Variants in CTNNA3 observed in about 807,000 individuals in gnomAD.
The protein encoded by CTNNA3 is catenin alpha-3.
In CTNNA3, 76 loss-of-function variants were observed where a neutral mutation model predicts 95.7. The ratio of observed to expected loss-of-function variants is 0.79; its 90% confidence interval spans 0.66 to 0.96. The LOEUF (loss-of-function observed/expected upper bound fraction) is 0.96, where lower values mean the gene tolerates loss of function less well. Ranked by LOEUF, CTNNA3 falls within the 40% of genes least tolerant of loss-of-function variation. The probability of loss-of-function intolerance (pLI) is 0.00; values close to 1 mark genes in which losing one functional copy is unlikely to be tolerated. For synonymous variants in CTNNA3, 431 were observed against 374.4 expected (o/e 1.15, Z -1.74); for missense variants, 1,191 against 1,089.8 (o/e 1.09, Z -1.31).
At chr10:67,735,130 CACACACACACACACAA>C (rs919843024) in intron 1 of CTNNA3, among the ~76,000 whole-genome samples, 43 of 115,200 alleles carry the variant, frequency 3.7e-4, no homozygotes, top group African/African-American at 1.9e-3. Context: ...CAAGTGAGCA[CACACACACACACACAA>C]ACACACACAC....
chr10:66,078,850 A>G (rs1025805579), intron 14 of CTNNA3: 1 of 151,898 alleles, frequency 6.6e-6, no homozygotes, highest in African/African-American at 2.4e-5. Context: ...AAATCAAACA[A>G]TGCTCTCTAA....
At chr10:66,239,186 AATTG>A (rs1286125183) in intron 13 of CTNNA3, among the ~76,000 whole-genome samples, 17 of 150,898 alleles carry the variant, frequency 1.1e-4, no homozygotes, top group East Asian at 7.7e-4. Flanking sequence ...TTTTATAATT[AATTG>A]ATTAAGTACA....
intron 12 of CTNNA3, among the ~76,000 whole-genome samples, chr10:66,346,760 G>A (rs772960068): frequency 2.0e-5 from 3 of 152,020 alleles, no homozygotes; most frequent in East Asian, 1.9e-4. Flanking sequence ...TACATGAAAC[G>A]TTATTTTTAT....
chr10:67,127,878 CTG>C (rs34919848), intron 7 of CTNNA3, among the ~76,000 whole-genome samples: 1 of 151,118 alleles, frequency 6.6e-6, no homozygotes, highest in Non-Finnish European at 1.5e-5. Context: ...GTGTGTGTGT[CTG>C]TGTGTGTGTG....
chr10:66,813,313 C>G (rs1384650712), intron 7 of CTNNA3, among the ~76,000 whole-genome samples: 1 of 152,106 alleles, frequency 6.6e-6, no homozygotes, highest in East Asian at 1.9e-4. Context: ...ATACAAGTGT[C>G]TTTTTCTCCT....
At chr10:67,255,017 C>T (rs138356136) in intron 5 of CTNNA3, among the ~76,000 whole-genome samples, 200 of 152,166 alleles carry the variant, frequency 1.3e-3, no homozygotes, top group Middle Eastern at 0.01. Flanking sequence ...AATTTCTGGC[C>T]GGGCATGGTG....
chr10:67,343,893 A>C (rs1259324405), intron 5 of CTNNA3, among the ~76,000 whole-genome samples: 1 of 149,344 alleles, frequency 6.7e-6, no homozygotes, highest in Non-Finnish European at 1.5e-5. Flanking sequence ...AGCTAGTATA[A>C]CACTACAGCT....
chr10:67,445,558 C>T (rs1846714685), intron 5 of CTNNA3, among the ~76,000 whole-genome samples: 1 of 152,132 alleles, frequency 6.6e-6, no homozygotes, highest in Non-Finnish European at 1.5e-5. Flanking sequence ...GCAGAGCCCT[C>T]ATGACCTAAT....
chr10:67,171,306 G>A (rs1437513344), intron 7 of CTNNA3, among the ~76,000 whole-genome samples: 1 of 152,180 alleles, frequency 6.6e-6, no homozygotes, highest in Non-Finnish European at 1.5e-5. Flanking sequence ...CAGGCGCAGT[G>A]GCTCACGCCC....
upstream of CTNNA3, among the ~76,000 whole-genome samples, chr10:67,697,520 C>G (rs912554900): frequency 6.6e-6 from 1 of 152,166 alleles, no homozygotes; most frequent in African/African-American, 2.4e-5. Context: ...TACTTACCTG[C>G]CCTGTACCTC....
Position 66,685,760 on chromosome 10 carries a change from C to T in CTNNA3, c.1282-63976G>A, listed in dbSNP as rs75267384. Among the ~76,000 whole-genome samples, 296 of 152,126 alleles carry T rather than the reference C, an allele frequency of 1.9e-3. 2 individuals are homozygous for T. Among genetic ancestry groups the T allele is most frequent in the African/African-American group, 6.9e-3 (285 of 41,500 alleles). On this transcript the variant is annotated intron_variant, in intron 9 of 17. Transcript: ENST00000433211. ...AATTTTTATGTATCTGTAGGCTTCTCTCTTTACCAGAATTAAAGTGTGGGG... is the reference window on the plus strand; with the variant it reads ...AATTTTTATGTATCTGTAGGCTTCTTTCTTTACCAGAATTAAAGTGTGGGG...
At chr10:67,569,598 G>A (rs1589437908) in intron 3 of CTNNA3, among the ~76,000 whole-genome samples, 1 of 152,098 alleles carries the variant, frequency 6.6e-6, no homozygotes, top group Middle Eastern at 3.2e-3. Flanking sequence ...TATAGCGATG[G>A]CACCACAGCG....
intron 12 of CTNNA3, among the ~76,000 whole-genome samples, chr10:66,317,245 G>A (rs2092114123): frequency 6.6e-6 from 1 of 152,090 alleles, no homozygotes; most frequent in Non-Finnish European, 1.5e-5. Context: ...TTCAGTATCT[G>A]ATGGCCAGCA....
At chr10:66,023,092 TTAAA>T (rs1410707415) in intron 15 of CTNNA3, among the ~76,000 whole-genome samples, 9 of 77,538 alleles carry the variant, frequency 1.2e-4, no homozygotes, top group Non-Finnish European at 2.3e-4. Context: ...GTCAAAGTTT[TTAAA>T]CCAACCATCT....
intron 15 of CTNNA3, among the ~76,000 whole-genome samples, chr10:66,005,561 G>A (rs935977055): frequency 4.6e-5 from 7 of 152,028 alleles, no homozygotes; most frequent in Non-Finnish European, 1.0e-4. Context: ...GGAGACCTGA[G>A]AGAACCAGAA....
At chr10:66,216,790 G>T (rs1249321836) in intron 13 of CTNNA3, among the ~76,000 whole-genome samples, 2 of 152,062 alleles carry the variant, frequency 1.3e-5, no homozygotes. Flanking sequence ...TCTTCCAATG[G>T]TTCTGTGGTA....
At chr10:67,114,709 GGTGTGTGT>G (rs56772381) in intron 7 of CTNNA3, among the ~76,000 whole-genome samples, 85 of 144,828 alleles carry the variant, frequency 5.9e-4, no homozygotes, top group African/African-American at 1.4e-3. Context: ...GGTTCTTAAA[GGTGTGTGT>G]GTGTGTGTGT....
intron 10 of CTNNA3, among the ~76,000 whole-genome samples, chr10:66,538,775 T>C (rs912352852): frequency 2.6e-5 from 4 of 152,320 alleles, no homozygotes; most frequent in African/African-American, 9.6e-5. Flanking sequence ...TCTGTCACAA[T>C]ACTGTCTTAT....
At chr10:66,052,976 AAT>A (rs1375536275) in intron 15 of CTNNA3, among the ~76,000 whole-genome samples, 2 of 152,104 alleles carry the variant, frequency 1.3e-5, no homozygotes, top group Non-Finnish European at 2.9e-5. Flanking sequence ...CTATGCATAG[AAT>A]ATATTCATTA....
Sources: gnomAD v4.1 joint callset for allele counts (sites outside exome capture counted in the v4.1 genomes callset) on GRCh38, gnomAD v4.1.1 for gene constraint, MANE v1.5 for transcripts, NCBI Gene and HGNC (gene_info 2026-07-23, HGNC 2026-07-21) for gene names.